CDS2: variants seen among roughly 807,000 people sequenced by gnomAD.
CDS2 encodes phosphatidate cytidylyltransferase 2.
A neutral mutation model predicts 59.0 loss-of-function variants in CDS2; 47 were observed. The ratio of observed to expected loss-of-function variants is 0.80; its 90% CI spans 0.63 to 1.02. CDS2 has a LOEUF of 1.02. Ranked by LOEUF, CDS2 falls within the 50% of genes least tolerant of loss-of-function variation. The pLI is 0.00. For synonymous variants in CDS2, 207 were observed against 206.4 expected, an observed-to-expected ratio of 1.00 and a Z score of -0.02; for missense variants, 356 against 558.9, an observed-to-expected ratio of 0.64 and a Z score of 3.66.
intron 1 of CDS2, among the ~76,000 whole-genome samples, chr20:5,127,636 A>T (rs917485470): frequency 6.6e-6 from 1 of 152,196 alleles, no homozygotes; most frequent in African/African-American, 2.4e-5. Flanking sequence ...CTTCTTGGGC[A>T]TGAAATCATC....
At chr20:5,135,367 T>C (rs372747498) in intron 1 of CDS2, among the ~76,000 whole-genome samples, 5 of 152,368 alleles carry the variant, frequency 3.3e-5, no homozygotes, top group African/African-American at 1.2e-4. Flanking sequence ...CACAGTTTGT[T>C]AAGCTACATT....
Position 5,196,227 on chromosome 20 carries a change from T to A in CDS2, c.*5993T>A, listed in dbSNP as rs2091156152. 1 of 152,218 alleles carries A rather than the reference T, an allele frequency of 6.6e-6. No homozygotes were observed. The highest frequency in any genetic ancestry group is 6.6e-5 in the Admixed American group (1 of 15,262). 9.4% of individuals were successfully genotyped at this position (152,218 alleles called of 1,614,324 possible). A position where few individuals can be genotyped will look rare whatever the true frequency, so the allele number is the denominator to read the frequency against. On this transcript the variant is annotated 3_prime_UTR_variant, in exon 13 of 13. Coordinates refer to ENST00000460006, the MANE Select transcript of CDS2 (RefSeq NM_003818.4). ...GGGGGTTTCTAGGAAGCAGCTGCTGTGACAGGCCAATCCCAGGCTTGCCCC... is the reference window on the plus strand; with the variant it reads ...GGGGGTTTCTAGGAAGCAGCTGCTGAGACAGGCCAATCCCAGGCTTGCCCC...
At chr20:5,138,039 C>T (rs1282204539) in intron 1 of CDS2, among the ~76,000 whole-genome samples, 5 of 151,706 alleles carry the variant, frequency 3.3e-5, no homozygotes, top group Non-Finnish European at 5.9e-5. Flanking sequence ...CCTCGTGATG[C>T]GCATGTCTCA....
In CDS2 at chr20:5,127,023, C is replaced by A; in HGVS notation, c.-70C>A. On this transcript the variant is annotated 5_prime_UTR_variant, in exon 1 of 13. Transcript: ENST00000460006. ...GGCCGGCCGTGGGAGTCCGCGCGTGCCCGCGCCGAGCTGCCTGCTCCGGCG... is the reference window on the plus strand; with the variant it reads ...GGCCGGCCGTGGGAGTCCGCGCGTGACCGCGCCGAGCTGCCTGCTCCGGCG... 1.4e-6 allele frequency: 2 copies of A among 1,419,266 alleles called. No individual in the cohort carries two copies. Among genetic ancestry groups the A allele is most frequent in the Non-Finnish European group, 1.9e-6 (2 of 1,069,916 alleles). 87.9% of individuals were successfully genotyped at this position (1,419,266 alleles called of 1,614,324 possible). A position where few individuals can be genotyped will look rare whatever the true frequency, so the allele number is the denominator to read the frequency against.
intron 1 of CDS2, among the ~76,000 whole-genome samples, chr20:5,129,105 G>A (rs1201133772): frequency 6.6e-6 from 1 of 152,102 alleles, no homozygotes; most frequent in African/African-American, 2.4e-5. Context: ...CACTTATACA[G>A]TGACAGAATG....
chr20:5,189,034 C>T (rs748989280), intron 10 of CDS2, 33 bp from the exon 11 acceptor site: 7 of 1,613,372 alleles, frequency 4.3e-6, no homozygotes, highest in Non-Finnish European at 5.9e-6. Flanking sequence ...GGCATGTATG[C>T]ACCTAAACTT....
intron 1 of CDS2, among the ~76,000 whole-genome samples, chr20:5,129,443 A>ATT (rs928515205): frequency 4.1e-5 from 5 of 122,100 alleles, no homozygotes; most frequent in Non-Finnish European, 5.2e-5. Flanking sequence ...CGCTCGGCTA[A>ATT]TTTTTTTTTT....
intron 1 of CDS2, 108 bp downstream of exon 1, chr20:5,127,257 C>A: frequency 1.9e-6 from 2 of 1,040,680 alleles, no homozygotes; most frequent in East Asian, 3.3e-5. Context: ...TTGTCGCAGC[C>A]GACGGCGGCC....
At chr20:5,155,653 C>T (rs2090827862) in intron 1 of CDS2, among the ~76,000 whole-genome samples, 1 of 152,194 alleles carries the variant, frequency 6.6e-6, no homozygotes, top group South Asian at 2.1e-4. Context: ...TTAGGGCCCA[C>T]ATGGATACTC....
intron 6 of CDS2, 30 bp downstream of exon 6, chr20:5,182,475 AT>A (rs761529452): frequency 1.3e-6 from 2 of 1,588,532 alleles, no homozygotes; most frequent in African/African-American, 2.7e-5. Flanking sequence ...GTGTGTCAGA[AT>A]TCTTGATTTA....
intron 1 of CDS2, among the ~76,000 whole-genome samples, chr20:5,159,815 C>T (rs1327415798): frequency 6.6e-6 from 1 of 151,978 alleles, no homozygotes; most frequent in Non-Finnish European, 1.5e-5. Context: ...CAAACCAACC[C>T]TAGTTTGTTA....
At chr20:5,135,425 G>C (rs1668995391) in intron 1 of CDS2, among the ~76,000 whole-genome samples, 1 of 151,818 alleles carries the variant, frequency 6.6e-6, no homozygotes, top group South Asian at 2.1e-4. Flanking sequence ...ACTAGAGGCT[G>C]TTGGGGGTGA....
intron 1 of CDS2, among the ~76,000 whole-genome samples, chr20:5,148,686 T>C (rs2090764220): frequency 6.6e-6 from 1 of 152,258 alleles, no homozygotes; most frequent in South Asian, 2.1e-4. Flanking sequence ...TTTGGCACTT[T>C]GAGTAGAATC....
chr20:5,173,799 C>A, intron 2 of CDS2, 140 bp downstream of exon 2: 3 of 983,914 alleles, frequency 3.0e-6, no homozygotes, highest in East Asian at 2.4e-5. Context: ...CTGCTCCAGG[C>A]TCCATTGAGT....
chr20:5,145,077 GC>G (rs137914236), intron 1 of CDS2, among the ~76,000 whole-genome samples: 1,864 of 152,038 alleles, frequency 0.012, 48 homozygotes, highest in African/African-American at 0.041. Context: ...ACCAAAATAA[GC>G]TTTCCTATTC....
In CDS2 at chr20:5,196,764, G is replaced by A. The variant is rs1404003865; in HGVS notation, c.*6530G>A. The A allele has an allele frequency of 6.6e-6, 1 of 152,330 alleles. No individual in the cohort carries two copies. Among genetic ancestry groups the A allele is most frequent in the East Asian group, 1.9e-4 (1 of 5,198 alleles). 9.4% of individuals were successfully genotyped at this position (152,330 alleles called of 1,614,324 possible). ...TCTGTGCACAGGGCTCTGGCCTTTA[G>A]TAAACTGTTTTTCTGTCTTACGTCA... On this transcript the variant is annotated 3_prime_UTR_variant, in exon 13 of 13. Transcript: ENST00000460006.
In CDS2 at chr20:5,192,256, G is replaced by A. The variant is rs1395963605; in HGVS notation, c.*2022G>A. 6.6e-6 allele frequency: 1 copy of A among 152,076 alleles called. No homozygotes were observed. The highest frequency in any genetic ancestry group is 1.5e-5 in the Non-Finnish European group (1 of 68,190). 9.4% of individuals were successfully genotyped at this position (152,076 alleles called of 1,614,324 possible). Reference sequence around the variant, plus strand: ...AGCTGGGGCCTGGCTGCAGAGACCTGCTCTTGAATAGGGCTGCCTTTGGGA... The same window carrying A: ...AGCTGGGGCCTGGCTGCAGAGACCTACTCTTGAATAGGGCTGCCTTTGGGA... On this transcript the variant is annotated 3_prime_UTR_variant, in exon 13 of 13. Coordinates refer to ENST00000460006, the MANE Select transcript of CDS2 (RefSeq NM_003818.4).
Position 5,189,317 on chromosome 20 carries a change from A to G in CDS2, c.1101+131A>G. On this transcript the variant is annotated intron_variant, in intron 11 of 12. Coordinates refer to ENST00000460006, the MANE Select transcript of CDS2 (RefSeq NM_003818.4). ...TTTAATGTGTGATCTTGACCCATGC[A>G]CTGAATTTAGGTGAGTTAATTAATA... 7.1e-6 allele frequency: 7 copies of G among 987,478 alleles called. No individual in the cohort carries two copies. In the South Asian group the frequency reaches 7.5e-5, roughly 11 times the overall value. The allele number at this position is 987,478 out of a possible 1,614,324, so 61.2% of individuals were successfully genotyped here.
In CDS2 at chr20:5,176,404, T is replaced by G. The variant is rs187525296; in HGVS notation, c.292-244T>G. The G allele has an allele frequency of 4.2e-3, 1,803 of 427,374 alleles. 29 individuals carry two copies. The highest frequency in any genetic ancestry group is 0.029 in the African/African-American group (1,454 of 50,272). 26.5% of individuals were successfully genotyped at this position (427,374 alleles called of 1,614,324 possible). A position where few individuals can be genotyped will look rare whatever the true frequency, so the allele number is the denominator to read the frequency against. ...AAACCCTGTCTTAAAAAAAAAAAAG[T>G]TAATTGAAACATCAGGGTGTGTATT... is the stretch of plus-strand genomic sequence containing the variant. On this transcript the variant is annotated intron_variant, in intron 3 of 12. Transcript: ENST00000460006.
Sources: gnomAD v4.1 joint callset for allele counts (sites outside exome capture counted in the v4.1 genomes callset) on GRCh38, gnomAD v4.1.1 for gene constraint, MANE v1.5 for transcripts, NCBI Gene and HGNC (gene_info 2026-07-23, HGNC 2026-07-21) for gene names.